Variants in CAPN5 observed in about 807,000 individuals in gnomAD.
CAPN5 encodes the protein calpain-5.
Under a neutral mutation model 73.0 loss-of-function variants are expected in CAPN5, and 54 were observed. The ratio of observed to expected loss-of-function variants is 0.74; its 90% confidence interval spans 0.59 to 0.93. The LOEUF is 0.93. Ranked by LOEUF, CAPN5 falls within the 40% of genes least tolerant of loss-of-function variation. The probability of loss-of-function intolerance (pLI) is 0.00; values close to 1 mark genes in which losing one functional copy is unlikely to be tolerated. For synonymous variants in CAPN5, 335 were observed against 356.9 expected, an observed-to-expected ratio of 0.94 and a Z score of 0.69; for missense variants, 785 against 882.9, an observed-to-expected ratio of 0.89 and a Z score of 1.41.
chr11:77,106,334 A>C (rs1298200608), intron 3 of CAPN5, among the ~76,000 whole-genome samples: 1 of 100,300 alleles, frequency 1.0e-5, no homozygotes, highest in South Asian at 3.8e-4. Context: ...CCTTCCAGCC[A>C]CTCCTGGAGT....
Position 77,109,210 on chromosome 11 carries a change from T to G in CAPN5, c.298-3379T>G, listed in dbSNP as rs142664082. 3.3e-5 allele frequency among the ~76,000 whole-genome samples: 5 copies of G among 152,364 alleles called. 1 individual carries two copies. In the East Asian group the frequency reaches 9.6e-4, roughly 29 times the overall value. ...AACCATCAGTGACCACTGCCTAAATTCATTCATTCTTCAGTGATTGTAAAA... is the reference window on the plus strand; with the variant it reads ...AACCATCAGTGACCACTGCCTAAATGCATTCATTCTTCAGTGATTGTAAAA... On this transcript the variant is annotated intron_variant, in intron 3 of 12. Coordinates refer to ENST00000648180, the MANE Select transcript of CAPN5 (RefSeq NM_004055.5).
In CAPN5 at chr11:77,109,068, C is replaced by T. The variant is rs990447680; in HGVS notation, c.298-3521C>T. On this transcript the variant is annotated intron_variant, in intron 3 of 12. Transcript: ENST00000648180. ...AACCTGGGACTTAGCTCCAGAAGCTCATACGGTTTAGGAACAATTTTTTTC... is the reference window on the plus strand; with the variant it reads ...AACCTGGGACTTAGCTCCAGAAGCTTATACGGTTTAGGAACAATTTTTTTC... Among the ~76,000 whole-genome samples the T allele has an allele frequency of 2.0e-5, 3 of 152,204 alleles. 1 individual carries two copies. The highest frequency in any genetic ancestry group is 2.0e-4 in the Admixed American group (3 of 15,288).
chr11:77,107,125 C>T (rs1314115326), intron 3 of CAPN5, among the ~76,000 whole-genome samples: 3 of 152,182 alleles, frequency 2.0e-5, no homozygotes, highest in Non-Finnish European at 2.9e-5. Flanking sequence ...TCTGCTCTCC[C>T]AAGAAGGCAG....
chr11:77,120,663 G>A, intron 9 of CAPN5, 50 bp from the exon 10 acceptor site: 2 of 1,342,036 alleles, frequency 1.5e-6, no homozygotes, highest in East Asian at 2.3e-5. Flanking sequence ...GTGGGCCAGG[G>A]TGTTGTAGGG....
At chr11:77,111,542 C>G (rs532982658) in intron 3 of CAPN5, among the ~76,000 whole-genome samples, 2 of 152,114 alleles carry the variant, frequency 1.3e-5, no homozygotes, top group African/African-American at 2.4e-5. Flanking sequence ...TTCCCAGATG[C>G]GTCATAAGTA....
intron 3 of CAPN5, among the ~76,000 whole-genome samples, chr11:77,098,507 C>G (rs1279486878): frequency 1.0e-5 from 1 of 97,612 alleles, no homozygotes; most frequent in African/African-American, 4.5e-5. Flanking sequence ...GGAGGGCTGA[C>G]CCCCCCACCT....
At chr11:77,084,327 C>T (rs1950058767) in intron 1 of CAPN5, among the ~76,000 whole-genome samples, 1 of 152,156 alleles carries the variant, frequency 6.6e-6, no homozygotes, top group Non-Finnish European at 1.5e-5. Context: ...TCCCAAGATG[C>T]TGTGAGGAAG....
chr11:77,094,620 G>T (rs1297823814), intron 3 of CAPN5, among the ~76,000 whole-genome samples: 3 of 152,234 alleles, frequency 2.0e-5, no homozygotes, highest in Admixed American at 6.5e-5. Flanking sequence ...CCCTTGGGAG[G>T]GGCTGGCAGT....
chr11:77,077,426 C>T (rs923848441), intron 1 of CAPN5, among the ~76,000 whole-genome samples: 2 of 152,080 alleles, frequency 1.3e-5, no homozygotes, highest in Admixed American at 6.5e-5. Flanking sequence ...AATAAGATAT[C>T]ACACTTTTGT....
intron 3 of CAPN5, among the ~76,000 whole-genome samples, chr11:77,099,533 GC>G (rs1950260637): frequency 1.3e-5 from 2 of 149,954 alleles, no homozygotes; most frequent in Admixed American, 1.3e-4. Flanking sequence ...CTGGAGACCG[GC>G]CCGGCCAACA....
At chr11:77,115,369 C>T (rs782274571) in intron 5 of CAPN5, 26 bp from the exon 6 acceptor site, 3 of 1,577,328 alleles carry the variant, frequency 1.9e-6, no homozygotes, top group South Asian at 1.1e-5. Context: ...GGCCCTGCCT[C>T]TCTGAGCAAC....
At position 77,068,306 on chromosome 11, in the gene CAPN5, C is replaced by T. The variant is rs756106; in HGVS notation, c.-36+1212C>T. Among the ~76,000 whole-genome samples the T allele has an allele frequency of 9.9e-3, 1,510 of 152,160 alleles. 22 individuals carry two copies. The highest frequency in any genetic ancestry group is 0.034 in the African/African-American group (1,419 of 41,510). On this transcript the variant is annotated intron_variant, in intron 1 of 12. Coordinates refer to ENST00000648180, the MANE Select transcript of CAPN5 (RefSeq NM_004055.5). ...TTGCCAGCACACAGAGGTGCTCAGG[C>T]GGGGTCTTTGCCCTGAGGAGCCTCT...
At chr11:77,101,720 G>A (rs926116463) in intron 3 of CAPN5, among the ~76,000 whole-genome samples, 1 of 152,154 alleles carries the variant, frequency 6.6e-6, no homozygotes, top group African/African-American at 2.4e-5. Context: ...TGTGTGTGGC[G>A]TGTTGTGGCG....
At chr11:77,085,128 G>C in intron 2 of CAPN5, 77 bp downstream of exon 2, 1 of 1,346,552 alleles carries the variant, frequency 7.4e-7, no homozygotes, top group Non-Finnish European at 1.0e-6. Context: ...AGGGACATCG[G>C]GGTGGTGGGA....
chr11:77,102,276 A>C (rs1555038996), intron 3 of CAPN5, among the ~76,000 whole-genome samples: 2 of 152,140 alleles, frequency 1.3e-5, no homozygotes, highest in South Asian at 2.1e-4. Context: ...CAGAATCGAC[A>C]GGCTTTGGTG....
intron 11 of CAPN5, among the ~76,000 whole-genome samples, chr11:77,122,304 G>A (rs1333417358): frequency 6.6e-6 from 1 of 152,200 alleles, no homozygotes; most frequent in South Asian, 2.1e-4. Flanking sequence ...GGCTGAGAAG[G>A]TATTAAGATA....
intron 12 of CAPN5, 84 bp downstream of exon 12, chr11:77,122,796 C>T (rs1950536546): frequency 6.4e-7 from 1 of 1,568,854 alleles, no homozygotes; most frequent in Non-Finnish European, 8.7e-7. Flanking sequence ...GGTGGAAGAC[C>T]CTCTGACGAG....
chr11:77,123,823 AC>A lies in CAPN5; in HGVS notation c.1877del (p.Thr626MetfsTer24). ...CCGGCAGCCCAGCAACCTGCCAGGCACTGTGGCCGTGCACATTCTCAGCAGC... is the reference window on the plus strand; with the variant it reads ...CCGGCAGCCCAGCAACCTGCCAGGCATGTGGCCGTGCACATTCTCAGCAGC... Reference protein sequence around the residue: ...NSRQPSNLPGTVAVHILSSTS... With the variant: ...NSRQPSNLPGXVAVHILSSTS... On this transcript the variant is annotated frameshift_variant, in exon 13 of 13. Coordinates refer to ENST00000648180, the MANE Select transcript of CAPN5 (RefSeq NM_004055.5). LOFTEE classifies it high-confidence loss of function. The A allele has an allele frequency of 6.2e-7, 1 of 1,613,832 alleles. No homozygotes were observed. Among genetic ancestry groups the A allele is most frequent in the Non-Finnish European group, 8.5e-7 (1 of 1,179,998 alleles).
chr11:77,102,987 G>A (rs1371860357), intron 3 of CAPN5: 3 of 1,613,436 alleles, frequency 1.9e-6, no homozygotes, highest in South Asian at 2.2e-5. Flanking sequence ...GCAGCCAGCG[G>A]AGTCTGTGTA....
Sources: gnomAD v4.1 joint callset for allele counts (sites outside exome capture counted in the v4.1 genomes callset) on GRCh38, gnomAD v4.1.1 for gene constraint, MANE v1.5 for transcripts, NCBI Gene and HGNC (gene_info 2026-07-23, HGNC 2026-07-21) for gene names.